The following RB1 variants were observed in gnomAD, a reference collection of about 807,000 sequenced individuals.
The protein encoded by RB1 is RB transcriptional corepressor 1, also known as retinoblastoma-associated protein.
RB1 carries 18 observed loss-of-function variants against 135.4 expected under a neutral mutation model. The ratio of observed to expected loss-of-function variants is 0.13; its 90% CI spans 0.09 to 0.20. The LOEUF (loss-of-function observed/expected upper bound fraction) is 0.20. Ranked by LOEUF, RB1 falls within the 10% of genes least tolerant of loss-of-function variation. The pLI, the probability that RB1 is intolerant of heterozygous loss-of-function variation, is 1.00. For synonymous variants in RB1, 365 were observed against 373.2 expected, an observed-to-expected ratio of 0.98 and a Z score of 0.25; for missense variants, 868 against 1,110.0, an observed-to-expected ratio of 0.78 and a Z score of 3.10.
At chr13:48,475,380 G>C (rs745900858) in intron 24 of RB1, among the ~76,000 whole-genome samples, 2 of 152,120 alleles carry the variant, frequency 1.3e-5, no homozygotes, top group South Asian at 2.1e-4. Context: ...TCATCTCAAG[G>C]CTCCACTAGA....
At position 48,303,966 on chromosome 13, in the gene RB1, G is replaced by T; in HGVS notation, c.54G>T (p.Ala18=). ...KTAATAAAAA[A]EPPAPPPPPP... Reference sequence around the variant, plus strand: ...CCGCCACCGCCGCCGCTGCCGCCGCGGAACCCCCGGCACCGCCGCCGCCGC... The same window carrying T: ...CCGCCACCGCCGCCGCTGCCGCCGCTGAACCCCCGGCACCGCCGCCGCCGC... The change falls in exon 1 of 27, where the codon GCG becomes GCT. Residue 18 remains alanine (A), a synonymous_variant. Coordinates refer to ENST00000267163, the MANE Select transcript of RB1 (RefSeq NM_000321.3). 6.6e-7 allele frequency: 1 copy of T among 1,509,314 alleles called. No individual in the cohort carries two copies. The highest frequency in any genetic ancestry group is 2.7e-5 in the East Asian group (1 of 37,626). The allele number at this position is 1,509,314 out of a possible 1,614,324, so 93.5% of individuals were successfully genotyped here. A position where few individuals can be genotyped will look rare whatever the true frequency, so the allele number is the denominator to read the frequency against.
At chr13:48,344,947 C>T in intron 3 of RB1, 133 bp from the exon 4 acceptor site, 1 of 1,121,718 alleles carries the variant, frequency 8.9e-7, no homozygotes. Flanking sequence ...AAAAGTAATT[C>T]CTTCCAAAGG....
intron 24 of RB1, among the ~76,000 whole-genome samples, chr13:48,474,792 C>A (rs530440220): frequency 6.6e-6 from 1 of 152,288 alleles, no homozygotes; most frequent in South Asian, 2.1e-4. Flanking sequence ...ATCCACAACC[C>A]TAGTTGGCCT....
intron 17 of RB1, among the ~76,000 whole-genome samples, chr13:48,443,159 C>G (rs1949254409): frequency 6.6e-6 from 1 of 151,498 alleles, no homozygotes; most frequent in African/African-American, 2.4e-5. Flanking sequence ...AAAAATATCT[C>G]CTCTTAGTCT....
At chr13:48,373,896 G>A (rs1360331361) in intron 12 of RB1, among the ~76,000 whole-genome samples, 1 of 151,874 alleles carries the variant, frequency 6.6e-6, no homozygotes, top group African/African-American at 2.4e-5. Flanking sequence ...AGCTTTGCTC[G>A]ATCTTCAATT....
At chr13:48,339,528 A>C (rs1952422443) in intron 2 of RB1, among the ~76,000 whole-genome samples, 1 of 152,152 alleles carries the variant, frequency 6.6e-6, no homozygotes, top group Admixed American at 6.5e-5. Context: ...GGAAAAGCGC[A>C]GTATTAGGGT....
At chr13:48,436,700 C>A (rs961247078) in intron 17 of RB1, among the ~76,000 whole-genome samples, 1 of 151,864 alleles carries the variant, frequency 6.6e-6, no homozygotes, top group African/African-American at 2.4e-5. Context: ...AGCAGATCTG[C>A]AGAAATATTA....
At chr13:48,479,866 T>G (rs1949527074) in intron 26 of RB1, 132 bp from the exon 27 acceptor site, 3 of 714,772 alleles carry the variant, frequency 4.2e-6, no homozygotes, top group Non-Finnish European at 7.7e-6. Flanking sequence ...TGTCAAATAC[T>G]AGAATGAAGA....
chr13:48,348,473 A>C (rs572090358), intron 5 of RB1, among the ~76,000 whole-genome samples: 1 of 152,018 alleles, frequency 6.6e-6, no homozygotes, highest in East Asian at 1.9e-4. Context: ...AAAGTGTTAA[A>C]TTGGCAAACT....
intron 10 of RB1, 132 bp downstream of exon 10, chr13:48,367,735 C>A: frequency 1.9e-6 from 2 of 1,061,024 alleles, no homozygotes; most frequent in South Asian, 1.6e-5. Flanking sequence ...TGTCTTTATA[C>A]AAAGAAAAGT....
chr13:48,358,245 C>T (rs1952610129), intron 6 of RB1, among the ~76,000 whole-genome samples: 1 of 152,026 alleles, frequency 6.6e-6, no homozygotes, highest in South Asian at 2.1e-4. Flanking sequence ...TTTTTTTCCC[C>T]TTCTTATGTT....
intron 17 of RB1, among the ~76,000 whole-genome samples, chr13:48,437,325 T>A (rs1949193966): frequency 6.6e-6 from 1 of 152,218 alleles, no homozygotes; most frequent in Admixed American, 6.5e-5. Context: ...TAGAAAGAAA[T>A]ATACATATTT....
chr13:48,471,577 A>T (rs78767790), intron 23 of RB1, among the ~76,000 whole-genome samples: 1,838 of 150,196 alleles, frequency 0.012, 43 homozygotes, highest in African/African-American at 0.042. Flanking sequence ...TATAAATAAA[A>T]AAAAAAAAAA....
chr13:48,324,331 T>C (rs1254264768), intron 2 of RB1, among the ~76,000 whole-genome samples: 1 of 152,164 alleles, frequency 6.6e-6, no homozygotes, highest in African/African-American at 2.4e-5. Flanking sequence ...TCTAACTGTC[T>C]TTTTGTACCC....
intron 9 of RB1, among the ~76,000 whole-genome samples, chr13:48,365,727 T>G (rs1483353099): frequency 6.6e-6 from 1 of 152,200 alleles, no homozygotes; most frequent in African/African-American, 2.4e-5. Flanking sequence ...ATTTATTAAT[T>G]CAACAAATAT....
intron 23 of RB1, among the ~76,000 whole-genome samples, chr13:48,466,267 CT>C (rs1949443567): frequency 1.6e-5 from 1 of 61,428 alleles, no homozygotes; most frequent in Admixed American, 1.8e-4. Flanking sequence ...CCCGAGCAGC[CT>C]AACTGGGAGG....
chr13:48,456,085 T>C (rs1034896788), intron 18 of RB1, 119 bp from the exon 19 acceptor site: 11 of 1,494,752 alleles, frequency 7.4e-6, no homozygotes, highest in African/African-American at 4.2e-5. Context: ...ATTTAAATAG[T>C]CTGCTATAAT....
intron 19 of RB1, among the ~76,000 whole-genome samples, chr13:48,457,588 T>G (rs1173039721): frequency 6.6e-6 from 1 of 152,184 alleles, no homozygotes; most frequent in Non-Finnish European, 1.5e-5. Flanking sequence ...GGACTCATCC[T>G]CTACTGCTCA....
At chr13:48,442,106 A>G in intron 17 of RB1, among the ~76,000 whole-genome samples, 1 of 152,168 alleles carries the variant, frequency 6.6e-6, no homozygotes, top group Non-Finnish European at 1.5e-5. Context: ...ATATTCAGAC[A>G]TGCTAGCTTC....
Sources: gnomAD v4.1 joint callset for allele counts (sites outside exome capture counted in the v4.1 genomes callset) on GRCh38, gnomAD v4.1.1 for gene constraint, MANE v1.5 for transcripts, NCBI Gene and HGNC (gene_info 2026-07-23, HGNC 2026-07-21) for gene names.